NRXN3: variants seen among roughly 807,000 people sequenced by gnomAD.
NRXN3 encodes the protein neurexin III.
Under a neutral mutation model 137.6 loss-of-function variants are expected in NRXN3, and 32 were observed. The observed-to-expected ratio is 0.23, with a 90% CI of 0.18 to 0.31. NRXN3 has a LOEUF of 0.31. NRXN3 is among the 10% of genes least tolerant of loss of function. NRXN3 has a pLI of 1.00. For missense variants in NRXN3, 1,574 were observed against 2,062.5 expected (o/e 0.76, Z 4.59); for synonymous variants, 798 against 784.5 (o/e 1.02, Z -0.29).
chr14:79,213,004 G>C (rs1287487786), intron 15 of NRXN3, among the ~76,000 whole-genome samples: 1 of 152,000 alleles, frequency 6.6e-6, no homozygotes, highest in Non-Finnish European at 1.5e-5. Flanking sequence ...AAATTGGCTG[G>C]TTAGTTTAGA....
At chr14:79,524,866 A>C (rs1364896283) in intron 16 of NRXN3, among the ~76,000 whole-genome samples, 5 of 152,186 alleles carry the variant, frequency 3.3e-5, no homozygotes, top group African/African-American at 1.2e-4. Flanking sequence ...GATTGGACAA[A>C]AAGGGTATGA....
chr14:79,345,925 A>T (rs953373989), intron 15 of NRXN3, among the ~76,000 whole-genome samples: 2 of 152,206 alleles, frequency 1.3e-5, no homozygotes, highest in Admixed American at 6.5e-5. Flanking sequence ...CACCACAAAA[A>T]TGGCCGAACA....
At chr14:78,389,056 C>CT (rs5809885) in intron 4 of NRXN3, among the ~76,000 whole-genome samples, 1 of 135,608 alleles carries the variant, frequency 7.4e-6, no homozygotes. Flanking sequence ...GTTTAAGTTT[C>CT]TTTTTTTTTT....
At position 78,356,391 on chromosome 14, in the gene NRXN3, A is replaced by C. The variant is rs535209152; in HGVS notation, c.757+58531A>C. 7.2e-5 allele frequency among the ~76,000 whole-genome samples: 11 copies of C among 152,372 alleles called. No homozygotes were observed. The South Asian group carries it at 2.3e-3, about 32-fold the overall frequency. On this transcript the variant is annotated intron_variant, in intron 4 of 20. Coordinates refer to ENST00000335750, the MANE Select transcript of NRXN3 (RefSeq NM_001330195.2). ...ATTCTATGCCTCACCTCAAACATCC[A>C]CAAGGAACCAAATATACATTACTTT... is the stretch of plus-strand genomic sequence containing the variant.
rs1022048334 is a variant in NRXN3, at chr14:79,646,530, G to T, written c.3445-17248G>T. 2.9e-5 allele frequency among the ~76,000 whole-genome samples: 4 copies of T among 135,808 alleles called. 2 individuals carry two copies. Among genetic ancestry groups the T allele is most frequent in the Non-Finnish European group, 6.9e-5 (4 of 58,380 alleles). 89.1% of individuals were successfully genotyped at this position (135,808 alleles called of 152,430 possible). On this transcript the variant is annotated intron_variant, in intron 16 of 20. Coordinates refer to ENST00000335750, the MANE Select transcript of NRXN3 (RefSeq NM_001330195.2). The stretch of plus-strand genomic sequence containing the variant: ...CAGAAGCAGTGGTAGTTGCGAGCTG[G>T]TTATTCAGAGGCAGCTACTGTGCTC...
At chr14:78,598,555 C>G (rs962351131) in intron 4 of NRXN3, among the ~76,000 whole-genome samples, 2 of 152,228 alleles carry the variant, frequency 1.3e-5, no homozygotes, top group African/African-American at 2.4e-5. Context: ...GGGGTCTGCT[C>G]TCGCAGTCAC....
At chr14:78,254,888 G>A (rs2069280668) in intron 2 of NRXN3, among the ~76,000 whole-genome samples, 2 of 152,016 alleles carry the variant, frequency 1.3e-5, no homozygotes, top group South Asian at 4.2e-4. Context: ...ACATGAAGCA[G>A]TATTGAGTAG....
At chr14:78,467,134 T>G (rs2095131587) in intron 4 of NRXN3, among the ~76,000 whole-genome samples, 1 of 152,178 alleles carries the variant, frequency 6.6e-6, no homozygotes, top group African/African-American at 2.4e-5. Flanking sequence ...AAAACCATGT[T>G]GTACCCTGAA....
intron 4 of NRXN3, among the ~76,000 whole-genome samples, chr14:78,584,532 T>C (rs944802836): frequency 6.6e-6 from 1 of 152,212 alleles, no homozygotes; most frequent in Non-Finnish European, 1.5e-5. Context: ...CCATCCCTAG[T>C]TCTTTCCCAA....
At chr14:79,329,850 T>A (rs1235265261) in intron 15 of NRXN3, among the ~76,000 whole-genome samples, 1 of 151,988 alleles carries the variant, frequency 6.6e-6, no homozygotes, top group Non-Finnish European at 1.5e-5. Context: ...AGAGTTTTTT[T>A]TTTTTTTTGG....
intron 4 of NRXN3, among the ~76,000 whole-genome samples, chr14:78,340,400 A>G (rs928177338): frequency 1.3e-5 from 2 of 152,220 alleles, no homozygotes; most frequent in African/African-American, 4.8e-5. Flanking sequence ...TTATTGCTGC[A>G]TAACAGATGG....
intron 6 of NRXN3, among the ~76,000 whole-genome samples, chr14:78,702,116 G>C (rs1485138666): frequency 1.3e-5 from 2 of 152,066 alleles, no homozygotes; most frequent in Non-Finnish European, 2.9e-5. Context: ...ATTTGTGCTT[G>C]GACTTCACTG....
At chr14:79,589,808 G>A (rs2097789060) in intron 16 of NRXN3, among the ~76,000 whole-genome samples, 1 of 151,982 alleles carries the variant, frequency 6.6e-6, no homozygotes, top group African/African-American at 2.4e-5. Flanking sequence ...AGTCTCTGAC[G>A]CTAAAATTGA....
At chr14:79,274,296 T>C (rs940909967) in intron 15 of NRXN3, among the ~76,000 whole-genome samples, 7 of 152,106 alleles carry the variant, frequency 4.6e-5, no homozygotes, top group Non-Finnish European at 7.4e-5. Flanking sequence ...GTGGTCCCCA[T>C]ACCTATTGCA....
chr14:79,446,059 G>T (rs1419008431), intron 15 of NRXN3, among the ~76,000 whole-genome samples: 1 of 152,186 alleles, frequency 6.6e-6, no homozygotes, highest in Non-Finnish European at 1.5e-5. Flanking sequence ...TTTCAGCAGT[G>T]ACTATGACAG....
At chr14:79,572,213 C>T (rs1567541803) in intron 16 of NRXN3, among the ~76,000 whole-genome samples, 1 of 152,158 alleles carries the variant, frequency 6.6e-6, no homozygotes, top group Non-Finnish European at 1.5e-5. Context: ...AACACACACA[C>T]ATTCTTTCTA....
intron 14 of NRXN3, among the ~76,000 whole-genome samples, chr14:78,983,502 G>A (rs2099494830): frequency 6.6e-6 from 1 of 152,066 alleles, no homozygotes; most frequent in Non-Finnish European, 1.5e-5. Context: ...CTATTGAGTT[G>A]TTTGAGTTTC....
At chr14:79,155,023 AC>A (rs2060134744) in intron 15 of NRXN3, among the ~76,000 whole-genome samples, 1 of 151,852 alleles carries the variant, frequency 6.6e-6, no homozygotes, top group Non-Finnish European at 1.5e-5. Flanking sequence ...CATACAGGTT[AC>A]CTTTCACTCA....
Position 78,354,174 on chromosome 14 carries a change from A to T in NRXN3, c.757+56314A>T, listed in dbSNP as rs186497100. 4.6e-5 allele frequency among the ~76,000 whole-genome samples: 7 copies of T among 152,294 alleles called. No homozygotes were observed. The East Asian group carries it at 1.2e-3, about 25-fold the overall frequency. On this transcript the variant is annotated intron_variant, in intron 4 of 20. Transcript: ENST00000335750. Reference sequence around the variant, plus strand: ...TGAAATACGAATGATCATCTAATTTACTTATCTCTGTATCTTCAAAAGGTG... The same window carrying T: ...TGAAATACGAATGATCATCTAATTTTCTTATCTCTGTATCTTCAAAAGGTG...
Sources: allele counts gnomAD v4.1 joint callset (sites outside exome capture counted in the v4.1 genomes callset), GRCh38; gene constraint gnomAD v4.1.1; transcripts MANE v1.5; gene names NCBI Gene and HGNC (gene_info 2026-07-23, HGNC 2026-07-21).